Variants in FOXP2 observed in about 807,000 individuals in gnomAD.
The protein encoded by FOXP2 is forkhead box P2.
FOXP2 carries 12 observed loss-of-function variants against 115.8 expected under a neutral mutation model. The ratio of observed to expected loss-of-function variants is 0.10; its 90% CI spans 0.07 to 0.17. FOXP2 has a LOEUF of 0.17. FOXP2 is among the 10% of genes least tolerant of loss of function. FOXP2 has a pLI of 1.00. For missense variants in FOXP2, 629 were observed against 843.5 expected, an observed-to-expected ratio of 0.75 and a Z score of 3.15; for synonymous variants, 328 against 297.7, an observed-to-expected ratio of 1.10 and a Z score of -1.05.
chr7:114,283,794 C>T (rs927214562), intron 1 of FOXP2, among the ~76,000 whole-genome samples: 1 of 151,960 alleles, frequency 6.6e-6, no homozygotes, highest in African/African-American at 2.4e-5. Flanking sequence ...GAGACTCTGA[C>T]TCTACAAAAA....
chr7:114,120,390 C>G (rs1435261013), intron 1 of FOXP2, among the ~76,000 whole-genome samples: 1 of 152,014 alleles, frequency 6.6e-6, no homozygotes, highest in Admixed American at 6.6e-5. Flanking sequence ...TGGCATTTAT[C>G]TTAAGGATAG....
chr7:114,456,832 T>C (rs897782108), intron 2 of FOXP2, among the ~76,000 whole-genome samples: 3 of 152,154 alleles, frequency 2.0e-5, no homozygotes, highest in Non-Finnish European at 4.4e-5. Flanking sequence ...CAGTGGAATA[T>C]TATTCAGCCT....
At chr7:114,235,748 A>G (rs1240592511) in intron 1 of FOXP2, among the ~76,000 whole-genome samples, 1 of 152,144 alleles carries the variant, frequency 6.6e-6, no homozygotes, top group Non-Finnish European at 1.5e-5. Flanking sequence ...AGGGCCTTTT[A>G]CATCATTTTG....
chr7:114,592,668 T>A (rs1802496683), intron 3 of FOXP2, among the ~76,000 whole-genome samples: 1 of 152,056 alleles, frequency 6.6e-6, no homozygotes, highest in Non-Finnish European at 1.5e-5. Context: ...TTTGGACTAA[T>A]AAGGATTCTA....
intron 2 of FOXP2, among the ~76,000 whole-genome samples, chr7:114,315,229 A>G (rs1004791349): frequency 5.3e-5 from 8 of 152,180 alleles, no homozygotes; most frequent in African/African-American, 1.9e-4. Flanking sequence ...ACTAATGTTC[A>G]TTAAACAAGA....
At chr7:114,506,213 A>G (rs1249228703) in intron 2 of FOXP2, among the ~76,000 whole-genome samples, 1 of 151,748 alleles carries the variant, frequency 6.6e-6, no homozygotes, top group Non-Finnish European at 1.5e-5. Context: ...GCAATTTACC[A>G]ACTAATCAAG....
chr7:114,161,654 G>GTATATATATATATATATATATA (rs549643391), upstream of FOXP2, among the ~76,000 whole-genome samples: 1 of 151,440 alleles, frequency 6.6e-6, no homozygotes, highest in Admixed American at 6.6e-5. Context: ...GTGTGTGCGT[G>GTATATATATATATATATATATA]TATATATATA....
intron 1 of FOXP2, among the ~76,000 whole-genome samples, chr7:114,244,952 C>T (rs1795243972): frequency 6.6e-6 from 1 of 152,094 alleles, no homozygotes; most frequent in Non-Finnish European, 1.5e-5. Context: ...TTAGTAGAGA[C>T]GGGGTTTCAC....
chr7:114,148,738 G>A, intron 1 of FOXP2, among the ~76,000 whole-genome samples: 1 of 152,086 alleles, frequency 6.6e-6, no homozygotes, highest in Middle Eastern at 3.2e-3. Context: ...CAGAAAACCT[G>A]GAAGTCATTT....
intron 16 of FOXP2, among the ~76,000 whole-genome samples, chr7:114,675,293 T>A (rs1300151047): frequency 6.6e-6 from 1 of 152,160 alleles, no homozygotes; most frequent in Non-Finnish European, 1.5e-5. Context: ...ATTTTACCAG[T>A]TTTCCTGTGA....
chr7:114,092,000 A>G (rs1554412714), intron 1 of FOXP2, among the ~76,000 whole-genome samples: 1 of 152,006 alleles, frequency 6.6e-6, no homozygotes, highest in Non-Finnish European at 1.5e-5. Context: ...TGATAAGTAT[A>G]ATATGTTATA....
chr7:114,220,779 G>A (rs1794600841), intron 1 of FOXP2, among the ~76,000 whole-genome samples: 1 of 152,140 alleles, frequency 6.6e-6, no homozygotes, highest in Non-Finnish European at 1.5e-5. Context: ...AATTGAGACA[G>A]TCCTAAGGTT....
At chr7:114,626,478 T>C (rs1467894643) in intron 3 of FOXP2, among the ~76,000 whole-genome samples, 1 of 151,810 alleles carries the variant, frequency 6.6e-6, no homozygotes, top group Non-Finnish European at 1.5e-5. Context: ...GGAGCGGTTA[T>C]GTAAGAAAAG....
intron 2 of FOXP2, among the ~76,000 whole-genome samples, chr7:114,485,339 T>G (rs1796727158): frequency 6.6e-6 from 1 of 151,928 alleles, no homozygotes; most frequent in African/African-American, 2.4e-5. Context: ...TCTTAGAACT[T>G]CAGTGGTAGA....
At chr7:114,270,649 T>C (rs1796011877) in intron 1 of FOXP2, among the ~76,000 whole-genome samples, 1 of 152,190 alleles carries the variant, frequency 6.6e-6, no homozygotes, top group African/African-American at 2.4e-5. Context: ...TGGCCCAGTT[T>C]TTAATTGAGT....
At chr7:114,404,142 G>A (rs1221649628) in intron 2 of FOXP2, among the ~76,000 whole-genome samples, 1 of 152,096 alleles carries the variant, frequency 6.6e-6, no homozygotes, top group Non-Finnish European at 1.5e-5. Flanking sequence ...TGGGTTGGGG[G>A]AGAGGAATAA....
intron 3 of FOXP2, among the ~76,000 whole-genome samples, chr7:114,582,822 G>T (rs1480465480): frequency 6.6e-6 from 1 of 152,100 alleles, no homozygotes; most frequent in African/African-American, 2.4e-5. Context: ...CTTTTTTACT[G>T]TATTGTCAGT....
intron 2 of FOXP2, chr7:114,366,372 C>A (rs1442490968): frequency 6.6e-6 from 1 of 152,144 alleles, no homozygotes; most frequent in Non-Finnish European, 1.5e-5. Context: ...AACGATGGAT[C>A]ATAATTAATG....
chr7:114,627,470 C>T (rs1563043856), intron 3 of FOXP2, among the ~76,000 whole-genome samples: 1 of 151,952 alleles, frequency 6.6e-6, no homozygotes. Flanking sequence ...CAAGTAATGC[C>T]TCAAACAGTG....
Sources: allele counts gnomAD v4.1 joint callset (sites outside exome capture counted in the v4.1 genomes callset), GRCh38; gene constraint gnomAD v4.1.1; transcripts MANE v1.5; gene names NCBI Gene and HGNC (gene_info 2026-07-23, HGNC 2026-07-21).